The following TNNI3K variants were observed in gnomAD, a reference collection of about 807,000 sequenced individuals.
The protein encoded by TNNI3K is TNNI3 interacting kinase, also known as serine/threonine-protein kinase TNNI3K.
TNNI3K carries 140 observed loss-of-function variants against 114.5 expected under a neutral mutation model. That is an observed-to-expected ratio of 1.22 (90% confidence interval 1.07 to 1.41). The LOEUF (loss-of-function observed/expected upper bound fraction) is 1.41. TNNI3K is among the 40% of genes most tolerant of loss of function. The probability of loss-of-function intolerance (pLI) is 0.00; values close to 1 mark genes in which losing one functional copy is unlikely to be tolerated. For synonymous variants in TNNI3K, 347 were observed against 347.5 expected, an observed-to-expected ratio of 1.00 and a Z score of 0.02; for missense variants, 1,125 against 1,007.6, an observed-to-expected ratio of 1.12 and a Z score of -1.58.
At chr1:74,337,275 G>A (rs972437107) in intron 7 of TNNI3K, among the ~76,000 whole-genome samples, 31 of 150,908 alleles carry the variant, frequency 2.1e-4, no homozygotes, top group East Asian at 5.9e-4. Context: ...AGTAGGTTGC[G>A]AAAATTTTCT....
chr1:74,258,188 T>C lies in TNNI3K; in HGVS notation c.333+7419T>C, dbSNP rs568724243. 2.5e-4 allele frequency among the ~76,000 whole-genome samples: 38 copies of C among 152,260 alleles called. 1 individual carries two copies. In the South Asian group the frequency reaches 7.5e-3, roughly 30 times the overall value. On this transcript the variant is annotated intron_variant, in intron 4 of 24. Coordinates refer to ENST00000326637, the MANE Select transcript of TNNI3K (RefSeq NM_015978.3). ...AATAAATCAGGTGATCTTTTCTAGA[T>C]CTTCCAGAATCTTTCTCTGTGCTTG... is the stretch of plus-strand genomic sequence containing the variant.
chr1:74,396,652 A>G (rs1235378520), intron 17 of TNNI3K, among the ~76,000 whole-genome samples: 7 of 152,174 alleles, frequency 4.6e-5, no homozygotes, highest in Non-Finnish European at 1.0e-4. Flanking sequence ...CCAAATGCAC[A>G]TCCCGGATGG....
intron 5 of TNNI3K, among the ~76,000 whole-genome samples, chr1:74,326,638 G>A (rs1430025095): frequency 6.6e-6 from 1 of 152,130 alleles, no homozygotes; most frequent in Non-Finnish European, 1.5e-5. Context: ...TACCCACAGT[G>A]TTAATTACCA....
At chr1:74,540,816 T>C (rs1038760019) in intron 24 of TNNI3K, among the ~76,000 whole-genome samples, 1 of 152,150 alleles carries the variant, frequency 6.6e-6, no homozygotes, top group African/African-American at 2.4e-5. Flanking sequence ...CAGCCATTCC[T>C]TCAAACAGCT....
intron 5 of TNNI3K, among the ~76,000 whole-genome samples, chr1:74,305,903 G>T (rs1042975493): frequency 4.0e-5 from 6 of 151,584 alleles, no homozygotes; most frequent in African/African-American, 1.5e-4. Context: ...TAGTTTCAGG[G>T]GGCACATGTG....
At chr1:74,398,713 A>T (rs1470333186) in intron 17 of TNNI3K, among the ~76,000 whole-genome samples, 3 of 152,182 alleles carry the variant, frequency 2.0e-5, no homozygotes, top group East Asian at 1.9e-4. Context: ...ATTGATTCAG[A>T]CGATGGGAGC....
intron 17 of TNNI3K, among the ~76,000 whole-genome samples, chr1:74,430,800 A>T (rs1411490433): frequency 6.6e-6 from 1 of 152,160 alleles, no homozygotes; most frequent in Non-Finnish European, 1.5e-5. Flanking sequence ...TCAGGGGAAC[A>T]AAGATTCCTT....
At chr1:74,425,577 A>C (rs550313762) in intron 17 of TNNI3K, among the ~76,000 whole-genome samples, 2 of 152,222 alleles carry the variant, frequency 1.3e-5, no homozygotes, top group South Asian at 4.1e-4. Flanking sequence ...AGTGTCAGGA[A>C]TACATTTTAA....
intron 5 of TNNI3K, among the ~76,000 whole-genome samples, chr1:74,274,037 T>C (rs927971299): frequency 6.6e-6 from 1 of 151,934 alleles, no homozygotes; most frequent in African/African-American, 2.4e-5. Flanking sequence ...TATATATACA[T>C]TTTGACTACC....
chr1:74,476,700 G>A lies in TNNI3K; in HGVS notation c.2122-12489G>A, dbSNP rs575136417. On this transcript the variant is annotated intron_variant, in intron 21 of 24. Coordinates refer to ENST00000326637, the MANE Select transcript of TNNI3K (RefSeq NM_015978.3). ...ATGGTGTCAGTACAGATTGAATAAAGAGATCTGTGCCCTAAACCCACATCT... is the reference window on the plus strand; with the variant it reads ...ATGGTGTCAGTACAGATTGAATAAAAAGATCTGTGCCCTAAACCCACATCT... Among the ~76,000 whole-genome samples, 279 of 152,238 alleles carry A rather than the reference G, an allele frequency of 1.8e-3. 1 individual carries two copies. The highest frequency in any genetic ancestry group is 3.1e-3 in the Non-Finnish European group (214 of 68,022).
chr1:74,480,613 G>A, intron 21 of TNNI3K: 1 of 717,238 alleles, frequency 1.4e-6, no homozygotes, highest in East Asian at 2.7e-5. Context: ...CGAAAGAACT[G>A]TCTGTGAGAT....
rs199714304 is a variant in TNNI3K at position 74,249,485 on chromosome 1, A to G, written c.176A>G (p.Asn59Ser). ...TCTGATGAAGCCTTCAGTAAAGTCA[A>G]TTTAAATTACCGCACTGAAAATGGG... is the stretch of plus-strand genomic sequence containing the variant. ...FGSDEAFSKV[N>S]LNYRTENGLS... Residue 59 changes from asparagine to serine, a missense_variant, in exon 3 of 25, where the codon AAT (asparagine) becomes AGT (serine). By Grantham distance (46) the Asn-to-Ser change is conservative. Coordinates refer to ENST00000326637, the MANE Select transcript of TNNI3K (RefSeq NM_015978.3). 2.7e-5 allele frequency: 44 copies of G among 1,613,554 alleles called. 1 individual carries two copies. The highest frequency in any genetic ancestry group is 2.0e-4 in the East Asian group (9 of 44,822).
At chr1:74,403,368 C>A (rs888135724) in intron 17 of TNNI3K, among the ~76,000 whole-genome samples, 8 of 152,120 alleles carry the variant, frequency 5.3e-5, no homozygotes, top group Non-Finnish European at 1.2e-4. Flanking sequence ...AAACATCAAG[C>A]TTGAGGTTCA....
intron 17 of TNNI3K, among the ~76,000 whole-genome samples, chr1:74,388,146 C>T (rs557287102): frequency 5.9e-5 from 9 of 152,114 alleles, no homozygotes; most frequent in Admixed American, 1.3e-4. Flanking sequence ...GGTGTGGTGG[C>T]GCGTGCCTGT....
intron 11 of TNNI3K, among the ~76,000 whole-genome samples, chr1:74,361,900 G>C (rs1358361795): frequency 6.6e-6 from 1 of 152,082 alleles, no homozygotes; most frequent in Admixed American, 6.6e-5. Context: ...AAAATATCTT[G>C]GCAAAAGCAT....
chr1:74,458,173 G>T (rs1667305756), intron 20 of TNNI3K, among the ~76,000 whole-genome samples: 1 of 152,072 alleles, frequency 6.6e-6, no homozygotes, highest in Non-Finnish European at 1.5e-5. Context: ...CTAACCTGTG[G>T]GTTAAGTTCT....
intron 11 of TNNI3K, among the ~76,000 whole-genome samples, chr1:74,363,969 G>A (rs1662115749): frequency 1.2e-5 from 1 of 85,644 alleles, no homozygotes; most frequent in Admixed American, 1.5e-4. Context: ...AACAGATGAG[G>A]GGTATTATTA....
chr1:74,492,899 G>A (rs915894413), intron 23 of TNNI3K, among the ~76,000 whole-genome samples: 2 of 152,184 alleles, frequency 1.3e-5, no homozygotes, highest in African/African-American at 4.8e-5. Flanking sequence ...GTTCAGCATG[G>A]TTGAGGTTCT....
At chr1:74,411,806 A>G (rs2100613552) in intron 17 of TNNI3K, among the ~76,000 whole-genome samples, 1 of 152,312 alleles carries the variant, frequency 6.6e-6, no homozygotes, top group East Asian at 1.9e-4. Context: ...TTGAGGAGGA[A>G]GAAGAAATAG....
Sources: allele counts gnomAD v4.1 joint callset (sites outside exome capture counted in the v4.1 genomes callset), GRCh38; gene constraint gnomAD v4.1.1; transcripts MANE v1.5; gene names NCBI Gene and HGNC (gene_info 2026-07-23, HGNC 2026-07-21).